Variants in MAP3K14 observed in about 807,000 individuals in gnomAD.
MAP3K14 encodes NF-kappa-beta-inducing kinase.
In MAP3K14, 16 loss-of-function variants were observed where a neutral mutation model predicts 99.2. The observed-to-expected ratio is 0.16, with a 90% confidence interval of 0.11 to 0.24. MAP3K14 has a LOEUF of 0.24. Among genes scored for constraint, MAP3K14 ranks in the 10% least tolerant of loss-of-function variants. The pLI is 1.00. For missense variants in MAP3K14, 784 were observed against 1,208.7 expected (o/e 0.65, Z 5.21); for synonymous variants, 462 against 492.4 (o/e 0.94, Z 0.82).
At chr17:45,296,820 A>G (rs1178090674) in intron 1 of MAP3K14, among the ~76,000 whole-genome samples, 1 of 152,186 alleles carries the variant, frequency 6.6e-6, no homozygotes, top group Admixed American at 6.5e-5. Context: ...CTCCCTTATC[A>G]ATGTCTGCCC....
At chr17:45,282,689 C>T (rs1481761791) in intron 6 of MAP3K14, among the ~76,000 whole-genome samples, 3 of 152,184 alleles carry the variant, frequency 2.0e-5, no homozygotes, top group African/African-American at 4.8e-5. Context: ...GGCACTGCCA[C>T]GTGACACCTT....
chr17:45,297,156 C>T (rs1439825002), intron 1 of MAP3K14, among the ~76,000 whole-genome samples: 1 of 152,200 alleles, frequency 6.6e-6, no homozygotes, highest in Non-Finnish European at 1.5e-5. Context: ...GGAGTTAGGG[C>T]TCAAGCCAGG....
chr17:45,305,733 C>T (rs147313480), intron 1 of MAP3K14, among the ~76,000 whole-genome samples: 139 of 152,272 alleles, frequency 9.1e-4, no homozygotes, highest in African/African-American at 3.2e-3. Context: ...TGCTATAAGG[C>T]ACTGAAGCCT....
At chr17:45,290,432 C>T (rs951114001) in intron 2 of MAP3K14, 58 bp downstream of exon 2, 14 of 1,599,860 alleles carry the variant, frequency 8.8e-6, no homozygotes, top group Non-Finnish European at 1.2e-5. Context: ...CTGGGCCCAG[C>T]TACCCACCTG....
rs1351316232 is a variant in MAP3K14 at position 45,265,152 on chromosome 17, G to C, written c.2679+11C>G. 4 of 1,607,206 alleles carry C rather than the reference G, an allele frequency of 2.5e-6. No individual in the cohort carries two copies. The highest frequency in any genetic ancestry group is 3.4e-6 in the Non-Finnish European group (4 of 1,173,786). On this transcript the variant is annotated intron_variant, in intron 15 of 15. Coordinates refer to ENST00000344686, the MANE Select transcript of MAP3K14 (RefSeq NM_003954.5). ...GGACTCTGCCCGTCAGAGTGTACCT[G>C]CCCCCCTTACCTGGCTGCTGATGCC...
Position 45,274,589 on chromosome 17 carries a change from C to T in MAP3K14, c.1295G>A (p.Arg432Gln), listed in dbSNP as rs575962559. 34 of 1,613,524 alleles carry T rather than the reference C, an allele frequency of 2.1e-5. No homozygotes were observed. Among genetic ancestry groups the T allele is most frequent in the South Asian group, 4.4e-5 (4 of 91,046 alleles). Residue 432 changes from arginine (R) to glutamine (Q), a missense_variant, in exon 7 of 16, where the codon CGG becomes CAG. Around this residue, in one of 5 missense-constraint regions of MAP3K14, gnomAD observed 200 missense variants for 367.9 expected, o/e 0.54. Transcript: ENST00000344686. ...TGFQCAVKKV[R>Q]LEVFRAEELM... Reference sequence around the variant, plus strand: ...CTCCTCTGCCCGAAATACTTCCAGCCGCACCTGCAAGGGCCCAGAGGCAGC... The same window carrying T: ...CTCCTCTGCCCGAAATACTTCCAGCTGCACCTGCAAGGGCCCAGAGGCAGC...
rs540548897 is a variant in MAP3K14 at position 45,272,498 on chromosome 17, T to C, written c.1657+1005A>G. 1.4e-4 allele frequency among the ~76,000 whole-genome samples: 22 copies of C among 152,284 alleles called. No individual in the cohort carries two copies. In the South Asian group the frequency reaches 4.4e-3, roughly 30 times the overall value. ...ATAGTCCTTTAACAACACACAATCA[T>C]ATACTTCCAAAGATTCTTTTTCCGT... On this transcript the variant is annotated intron_variant, in intron 9 of 15. Transcript: ENST00000344686. The surrounding 1 kb of genome is among the most constrained non-coding windows in gnomAD (Gnocchi z 4.1).
Position 45,286,400 on chromosome 17 carries a change from G to A in MAP3K14, c.1152+31C>T. The stretch of plus-strand genomic sequence containing the variant: ...AGCATCCCCCAGGTTGCTGGTAGAG[G>A]GACATATACAGGTGCCGGGGGATTA... On this transcript the variant is annotated intron_variant, in intron 5 of 15. Transcript: ENST00000344686. The surrounding 1 kb of genome is among the most constrained non-coding windows in gnomAD (Gnocchi z 4.1). 2 of 1,538,774 alleles carry A rather than the reference G, an allele frequency of 1.3e-6. No individual in the cohort carries two copies. The highest frequency in any genetic ancestry group is 4.6e-5 in the East Asian group (2 of 43,740).
At chr17:45,307,688 G>T (rs916185527) in intron 1 of MAP3K14, among the ~76,000 whole-genome samples, 1 of 152,288 alleles carries the variant, frequency 6.6e-6, no homozygotes, top group East Asian at 1.9e-4. Flanking sequence ...TTCAAGCAGC[G>T]TCTACCTGTG....
At chr17:45,274,090 C>A in intron 8 of MAP3K14, 33 bp downstream of exon 8, 1 of 1,600,352 alleles carries the variant, frequency 6.2e-7, no homozygotes, top group East Asian at 2.3e-5. Flanking sequence ...GAAGAGCCTG[C>A]TGGGGATCAG....
Position 45,264,019 on chromosome 17 carries a change from G to T in MAP3K14, c.*617C>A, listed in dbSNP as rs2044044910. On this transcript the variant is annotated 3_prime_UTR_variant, in exon 16 of 16. Coordinates refer to ENST00000344686, the MANE Select transcript of MAP3K14 (RefSeq NM_003954.5). Reference sequence around the variant, plus strand: ...CAGAGGTCAACTCAGGACCTGTGTTGCAACAACCTGAAAAGTGTGGTGTAT... The same window carrying T: ...CAGAGGTCAACTCAGGACCTGTGTTTCAACAACCTGAAAAGTGTGGTGTAT... The T allele has an allele frequency of 6.6e-6, 1 of 152,300 alleles. No homozygotes were observed. The highest frequency in any genetic ancestry group is 2.4e-5 in the African/African-American group (1 of 41,456). The allele number at this position is 152,300 out of a possible 1,614,324, so 9.4% of individuals were successfully genotyped here.
chr17:45,313,588 C>T (rs962309663), intron 1 of MAP3K14, among the ~76,000 whole-genome samples: 4 of 152,206 alleles, frequency 2.6e-5, no homozygotes, highest in African/African-American at 9.7e-5. Flanking sequence ...CACGGAGACA[C>T]CAAGGACTTG....
intron 6 of MAP3K14, among the ~76,000 whole-genome samples, chr17:45,277,922 T>C (rs2044192325): frequency 2.6e-5 from 4 of 152,196 alleles, no homozygotes; most frequent in Non-Finnish European, 5.9e-5. Context: ...ATTTCAAGGG[T>C]TGAGATGTGC....
At position 45,288,447 on chromosome 17, in the gene MAP3K14, G is replaced by A. The variant is rs578072004; in HGVS notation, c.326+789C>T. ...GGCTGGAGTGCAGTGGCACAATCTC[G>A]GCTCACTGCAACCTTCGACTCCTGG... On this transcript the variant is annotated intron_variant, in intron 3 of 15. Coordinates refer to ENST00000344686, the MANE Select transcript of MAP3K14 (RefSeq NM_003954.5). Among the ~76,000 whole-genome samples, 4 of 147,292 alleles carry A rather than the reference G, an allele frequency of 2.7e-5. No individual in the cohort carries two copies. In the East Asian group the frequency reaches 6.0e-4, roughly 22 times the overall value.
At chr17:45,309,411 G>A (rs1016011972) in intron 1 of MAP3K14, among the ~76,000 whole-genome samples, 1 of 152,200 alleles carries the variant, frequency 6.6e-6, no homozygotes, top group Admixed American at 6.5e-5. Context: ...CCAGCACCGG[G>A]GTTGACCTGT....
At chr17:45,301,243 C>T in intron 1 of MAP3K14, among the ~76,000 whole-genome samples, 1 of 151,472 alleles carries the variant, frequency 6.6e-6, no homozygotes, top group East Asian at 1.9e-4. Flanking sequence ...GCAGGCAGAT[C>T]ACCTGAGGTC....
intron 11 of MAP3K14, 37 bp downstream of exon 11, chr17:45,270,376 C>T: frequency 6.3e-7 from 1 of 1,595,706 alleles, no homozygotes; most frequent in South Asian, 1.1e-5. Context: ...CCTCTGTCTT[C>T]TGCCCCCCGG....
chr17:45,282,326 A>C (rs973795954), intron 6 of MAP3K14, among the ~76,000 whole-genome samples: 1 of 152,070 alleles, frequency 6.6e-6, no homozygotes, highest in Non-Finnish European at 1.5e-5. Context: ...CTGTAATCCC[A>C]GCACTTTGGG....
chr17:45,263,421 G>A lies in MAP3K14; in HGVS notation c.*1215C>T, dbSNP rs2044035505. ...GTCCTGAGTAGCTCCCCTGGGAGAA[G>A]AGGCTAAGCTGGGGCAATGGGGAAG... On this transcript the variant is annotated 3_prime_UTR_variant, in exon 16 of 16. Transcript: ENST00000344686. 1.3e-5 allele frequency: 2 copies of A among 152,994 alleles called. No homozygotes were observed. Among genetic ancestry groups the A allele is most frequent in the African/African-American group, 2.4e-5 (1 of 41,482 alleles). 9.5% of individuals were successfully genotyped at this position (152,994 alleles called of 1,614,324 possible). A position where few individuals can be genotyped will look rare whatever the true frequency, so the allele number is the denominator to read the frequency against.
Sources: allele counts gnomAD v4.1 joint callset (sites outside exome capture counted in the v4.1 genomes callset), GRCh38; gene constraint gnomAD v4.1.1; regional missense constraint gnomAD v4.1.1; non-coding constraint Gnocchi (gnomAD v3.1); transcripts MANE v1.5; gene names NCBI Gene and HGNC (gene_info 2026-07-23, HGNC 2026-07-21).